MRPL4: variants seen among roughly 807,000 people sequenced by gnomAD.
MRPL4 encodes mitochondrial ribosomal protein L4.
A neutral mutation model predicts 34.1 loss-of-function variants in MRPL4; 34 were observed. The ratio of observed to expected loss-of-function variants is 1.00; its 90% CI spans 0.76 to 1.33. The LOEUF is 1.33. Ranked by LOEUF, MRPL4 falls within the 40% of genes most tolerant of loss-of-function variation. The probability of loss-of-function intolerance (pLI) is 0.00; values close to 1 mark genes in which losing one functional copy is unlikely to be tolerated. For missense variants in MRPL4, 402 were observed against 434.6 expected, an observed-to-expected ratio of 0.92 and a Z score of 0.67; for synonymous variants, 196 against 188.3, an observed-to-expected ratio of 1.04 and a Z score of -0.33.
In MRPL4 at chr19:10,258,992, C is replaced by T. The variant is rs1006083079; in HGVS notation, c.739+307C>T. The T allele has an allele frequency of 1.9e-5, 26 of 1,388,558 alleles. No homozygotes were observed. The South Asian group carries it at 2.7e-4, about 14-fold the overall frequency. 86.0% of individuals were successfully genotyped at this position (1,388,558 alleles called of 1,614,324 possible). On this transcript the variant is annotated intron_variant, in intron 8 of 8. Transcript: ENST00000253099. ...ATGTGCACCTGTAGTCCCAGCTACT[C>T]GGGGGCTGAGCCAGGCGGATAGCTT...
upstream of MRPL4, chr19:10,252,159 CG>C (rs1197254344): frequency 7.1e-7 from 1 of 1,401,236 alleles, no homozygotes; most frequent in Non-Finnish European, 9.5e-7. Flanking sequence ...GGAGTCGCGG[CG>C]GGTAGGGCGG....
At chr19:10,259,570 A>T in intron 8 of MRPL4, 47 bp from the exon 9 acceptor site, 1 of 1,543,338 alleles carries the variant, frequency 6.5e-7, no homozygotes, top group Non-Finnish European at 8.7e-7. Context: ...GGAGAGAGGC[A>T]GCCCCGGCCT....
At position 10,260,002 on chromosome 19, in the gene MRPL4, A is replaced by G. The variant is rs1292690779; in HGVS notation, c.*189A>G. On this transcript the variant is annotated 3_prime_UTR_variant, in exon 9 of 9. Coordinates refer to ENST00000253099, the MANE Select transcript of MRPL4 (RefSeq NM_015956.3). ...AAAGCCCAGACGGGCTTCTGCATCCATTCCCTCTTTTTGTTTTTAAAATAA... is the reference window on the plus strand; with the variant it reads ...AAAGCCCAGACGGGCTTCTGCATCCGTTCCCTCTTTTTGTTTTTAAAATAA... 4.2e-6 allele frequency: 2 copies of G among 472,934 alleles called. No homozygotes were observed. Among genetic ancestry groups the G allele is most frequent in the East Asian group, 3.5e-5 (1 of 28,824 alleles). 29.3% of individuals were successfully genotyped at this position (472,934 alleles called of 1,614,324 possible). A position where few individuals can be genotyped will look rare whatever the true frequency, so the allele number is the denominator to read the frequency against.
chr19:10,256,845 G>T lies in MRPL4; in HGVS notation c.445+20G>T. 8.1e-7 allele frequency: 1 copy of T among 1,230,108 alleles called. No homozygotes were observed. The highest frequency in any genetic ancestry group is 2.9e-5 in the East Asian group (1 of 34,912). 76.2% of individuals were successfully genotyped at this position (1,230,108 alleles called of 1,614,324 possible). A position where few individuals can be genotyped will look rare whatever the true frequency, so the allele number is the denominator to read the frequency against. ...GAGGAGGTAACAGGACAGGGTGGAG[G>T]GGGCGGGGAGGGGTGGGGGGGCCAG... On this transcript the variant is annotated intron_variant, in intron 5 of 8. Transcript: ENST00000253099.
At chr19:10,258,947 TAAAA>T in intron 8 of MRPL4, 1 of 1,421,112 alleles carries the variant, frequency 7.0e-7, no homozygotes. Flanking sequence ...GTACTAAAAA[TAAAA>T]AAGTTAGGCG....
intron 4 of MRPL4, among the ~76,000 whole-genome samples, chr19:10,255,873 C>G (rs572394103): frequency 6.6e-6 from 1 of 152,080 alleles, no homozygotes; most frequent in Non-Finnish European, 1.5e-5. Context: ...TAGGCCGGCA[C>G]GGTGGCTCAC....
Position 10,259,299 on chromosome 19 carries a change from G to A in MRPL4, c.740-318G>A. 5.1e-6 allele frequency: 7 copies of A among 1,377,462 alleles called. No individual in the cohort carries two copies. In the South Asian group the frequency reaches 1.3e-4, roughly 25 times the overall value. 85.3% of individuals were successfully genotyped at this position (1,377,462 alleles called of 1,614,324 possible). A position where few individuals can be genotyped will look rare whatever the true frequency, so the allele number is the denominator to read the frequency against. On this transcript the variant is annotated intron_variant, in intron 8 of 8. Transcript: ENST00000253099. ...TGGCACGTCAGGCCCTGCACGATGT[G>A]CCCCGTCACCTCCCTGCCCTCCCGT...
chr19:10,254,664 TG>T, intron 4 of MRPL4, 24 bp downstream of exon 4: 1 of 1,613,508 alleles, frequency 6.2e-7, no homozygotes, highest in South Asian at 1.1e-5. Flanking sequence ...TGGAGCAAGG[TG>T]GTGGGAAGGA....
At position 10,252,306 on chromosome 19, in the gene MRPL4, G is replaced by A; in HGVS notation, c.53G>A (p.Ser18Asn). 1 of 1,610,036 alleles carries A rather than the reference G, an allele frequency of 6.2e-7. No homozygotes were observed. The highest frequency in any genetic ancestry group is 8.5e-7 in the Non-Finnish European group (1 of 1,177,998). Residue 18 changes from serine to asparagine, a missense_variant, in exon 1 of 9, where the codon AGC (serine) becomes AAC (asparagine). Ser to Asn is a conservative substitution (Grantham distance 46, BLOSUM62 1). Coordinates refer to ENST00000253099, the MANE Select transcript of MRPL4 (RefSeq NM_015956.3). ...GARAWLRPTGSQGLSSLAEEA... is the reference protein window; with the variant it reads ...GARAWLRPTGNQGLSSLAEEA... ...CGGGCCTGGCTTCGGCCTACCGGCA[G>A]CCAGGTGAGGCCAGGGGCTGGAGGC...
At position 10,252,274 on chromosome 19, in the gene MRPL4, C is replaced by A; in HGVS notation, c.21C>A (p.Ala7=). The A allele has an allele frequency of 6.2e-7, 1 of 1,608,448 alleles. No individual in the cohort carries two copies. Among genetic ancestry groups the A allele is most frequent in the Non-Finnish European group, 8.5e-7 (1 of 1,177,810 alleles). MLQFVR[A]GARAWLRPTG... ...CGGCGATGCTGCAGTTCGTCCGGGC[C>A]GGGGCGCGGGCCTGGCTTCGGCCTA... The change falls in exon 1 of 9, where the codon GCC becomes GCA. Residue 7 remains alanine (A), a synonymous_variant. Transcript: ENST00000253099.
At chr19:10,259,507 AC>A (rs1167749133) in intron 8 of MRPL4, 109 bp from the exon 9 acceptor site, 1 of 1,501,434 alleles carries the variant, frequency 6.7e-7, no homozygotes, top group Non-Finnish European at 8.9e-7. Flanking sequence ...GTCACACTAG[AC>A]CACAGTGACG....
upstream of MRPL4, chr19:10,252,160 G>T (rs987339701): frequency 6.4e-6 from 9 of 1,412,156 alleles, no homozygotes; most frequent in African/African-American, 7.4e-5. Flanking sequence ...GAGTCGCGGC[G>T]GGTAGGGCGG....
chr19:10,254,707 A>C (rs986693079), intron 4 of MRPL4, 67 bp downstream of exon 4: 3 of 1,573,610 alleles, frequency 1.9e-6, no homozygotes, highest in Non-Finnish European at 2.6e-6. Context: ...TAGGACCCAG[A>C]GGAAGCCCAT....
chr19:10,255,879 C>T (rs11669657), intron 4 of MRPL4, among the ~76,000 whole-genome samples: 22,965 of 152,074 alleles, frequency 0.15, 1,996 homozygotes, highest in Non-Finnish European at 0.2. Context: ...GGCACGGTGG[C>T]TCACACCTGT....
rs35481360 is a variant in MRPL4 at position 10,259,098 on chromosome 19, C to CAAAAAA, written c.739+435_739+440dup. ...TGGGGAGAGAGCTAGACTCTTGTCT[C>CAAAAAA]AAAAAAAAAAAAAAAAAAAAAAAAA... On this transcript the variant is annotated intron_variant, in intron 8 of 8. Transcript: ENST00000253099. The CAAAAAA allele has an allele frequency of 7.0e-3, 3,788 of 539,500 alleles. 153 individuals are homozygous for CAAAAAA. The highest frequency in any genetic ancestry group is 7.5e-3 in the Non-Finnish European group (3,565 of 477,192). The allele number at this position is 539,500 out of a possible 1,614,324, so 33.4% of individuals were successfully genotyped here. A position where few individuals can be genotyped will look rare whatever the true frequency, so the allele number is the denominator to read the frequency against.
At chr19:10,257,657 G>T (rs2039864522) in intron 5 of MRPL4, among the ~76,000 whole-genome samples, 2 of 152,018 alleles carry the variant, frequency 1.3e-5, no homozygotes, top group Admixed American at 1.3e-4. Flanking sequence ...AGATCATACT[G>T]CTTGCTCCAC....
At position 10,252,299 on chromosome 19, in the gene MRPL4, A is replaced by G; in HGVS notation, c.46A>G (p.Thr16Ala). 2 of 1,610,056 alleles carry G rather than the reference A, an allele frequency of 1.2e-6. No individual in the cohort carries two copies. The highest frequency in any genetic ancestry group is 1.7e-6 in the Non-Finnish European group (2 of 1,178,186). Residue 16 changes from threonine to alanine, a missense_variant, in exon 1 of 9, where the codon ACC becomes GCC. By Grantham distance (58) the Thr-to-Ala change is moderately conservative. Transcript: ENST00000253099. ...CGGGGCGCGGGCCTGGCTTCGGCCT[A>G]CCGGCAGCCAGGTGAGGCCAGGGGC... is the stretch of plus-strand genomic sequence containing the variant. ...RAGARAWLRP[T>A]GSQGLSSLAE...
At chr19:10,256,310 G>T (rs1321315673) in intron 4 of MRPL4, among the ~76,000 whole-genome samples, 1 of 152,026 alleles carries the variant, frequency 6.6e-6, no homozygotes, top group African/African-American at 2.4e-5. Flanking sequence ...GCCGGGCATG[G>T]TGACAGGCAC....
chr19:10,253,352 G>A (rs926448554), intron 3 of MRPL4, among the ~76,000 whole-genome samples: 5 of 151,110 alleles, frequency 3.3e-5, no homozygotes, highest in Non-Finnish European at 7.4e-5. Flanking sequence ...GGTGGCGGGC[G>A]TCTGTAGTCC....
Sources: gnomAD v4.1 joint callset for allele counts (sites outside exome capture counted in the v4.1 genomes callset) on GRCh38, gnomAD v4.1.1 for gene constraint, MANE v1.5 for transcripts, NCBI Gene and HGNC (gene_info 2026-07-23, HGNC 2026-07-21) for gene names.